CDH8: variants seen among roughly 807,000 people sequenced by gnomAD.
CDH8 encodes cadherin 8, also known as cadherin-8.
In CDH8, 17 loss-of-function variants were observed where a neutral mutation model predicts 68.1. The ratio of observed to expected loss-of-function variants is 0.25; its 90% CI spans 0.17 to 0.37. CDH8 has a LOEUF of 0.37. CDH8 is among the 10% of genes least tolerant of loss of function. CDH8 has a pLI of 1.00. For synonymous variants in CDH8, 372 were observed against 365.1 expected (o/e 1.02, Z -0.21); for missense variants, 763 against 999.3 (o/e 0.76, Z 3.19).
At chr16:61,753,875 A>G (rs999058747) in intron 8 of CDH8, among the ~76,000 whole-genome samples, 3 of 152,160 alleles carry the variant, frequency 2.0e-5, no homozygotes, top group African/African-American at 7.2e-5. Context: ...TAAGGAAAAA[A>G]CAATAATAAA....
chr16:61,799,943 C>T (rs1961582423), intron 7 of CDH8, among the ~76,000 whole-genome samples: 1 of 152,140 alleles, frequency 6.6e-6, no homozygotes, highest in Admixed American at 6.5e-5. Context: ...AGGTCTCCCT[C>T]TGTCACCTAG....
intron 2 of CDH8, among the ~76,000 whole-genome samples, chr16:61,966,366 C>T (rs943246365): frequency 1.3e-5 from 2 of 152,044 alleles, no homozygotes; most frequent in South Asian, 2.1e-4. Flanking sequence ...GGTGAAACCC[C>T]ATCTTTACTA....
At chr16:61,703,697 C>T (rs990205206) in intron 10 of CDH8, among the ~76,000 whole-genome samples, 8 of 152,056 alleles carry the variant, frequency 5.3e-5, no homozygotes, top group South Asian at 2.1e-4. Flanking sequence ...AAAAATTAGC[C>T]GGGCGTGGTG....
intron 2 of CDH8, among the ~76,000 whole-genome samples, chr16:61,912,298 G>GT (rs559275434): frequency 9.0e-4 from 137 of 152,136 alleles, no homozygotes; most frequent in Middle Eastern, 3.4e-3. Context: ...GGCACATCAT[G>GT]TTTTTTTCTG....
At chr16:61,810,718 A>G (rs1414135951) in intron 7 of CDH8, among the ~76,000 whole-genome samples, 1 of 152,122 alleles carries the variant, frequency 6.6e-6, no homozygotes, top group Non-Finnish European at 1.5e-5. Context: ...TTCAGAGAGC[A>G]TGTATAAAAG....
At chr16:62,012,496 A>G (rs1901837078) in intron 2 of CDH8, among the ~76,000 whole-genome samples, 1 of 152,170 alleles carries the variant, frequency 6.6e-6, no homozygotes, top group Admixed American at 6.5e-5. Context: ...AGTTTTTAAA[A>G]CGAGATTCTA....
At chr16:61,960,015 T>TATATACAC (rs1198530274) in intron 2 of CDH8, among the ~76,000 whole-genome samples, 2 of 73,226 alleles carry the variant, frequency 2.7e-5, no homozygotes, top group East Asian at 5.0e-4. Context: ...TATATATATA[T>TATATACAC]ACACACATAC....
In CDH8 at chr16:61,727,108, C is replaced by T; in HGVS notation, c.1522G>A (p.Gly508Arg). ...GAGATATTTACTTGGCCGGGTTTTC[C>T]ATTTTCACATAAAAATGCCTCATAT... is the stretch of plus-strand genomic sequence containing the variant. Reference protein sequence around the residue: ...SEYEAFLCENGKPGQVIQTVS... With the variant: ...SEYEAFLCENRKPGQVIQTVS... Residue 508 changes from glycine to arginine, a missense_variant, in exon 9 of 12, where the codon GGA becomes AGA. Gly to Arg is a moderately radical substitution (Grantham distance 125). Coordinates refer to ENST00000577390, the MANE Select transcript of CDH8 (RefSeq NM_001796.5). 1 of 1,610,660 alleles carries T rather than the reference C, an allele frequency of 6.2e-7. No homozygotes were observed. The highest frequency in any genetic ancestry group is 8.5e-7 in the Non-Finnish European group (1 of 1,177,786).
At chr16:61,774,747 G>A (rs1410825989) in intron 8 of CDH8, among the ~76,000 whole-genome samples, 1 of 152,072 alleles carries the variant, frequency 6.6e-6, no homozygotes. Context: ...AATGTTACAT[G>A]AGAACAGGGA....
intron 10 of CDH8, among the ~76,000 whole-genome samples, chr16:61,664,614 T>C (rs1252809822): frequency 6.6e-6 from 1 of 151,980 alleles, no homozygotes; most frequent in Non-Finnish European, 1.5e-5. Context: ...GAAATATTGA[T>C]GGTTTCCAAG....
At chr16:61,920,990 A>G (rs1382483764) in intron 2 of CDH8, among the ~76,000 whole-genome samples, 1 of 149,214 alleles carries the variant, frequency 6.7e-6, no homozygotes, top group African/African-American at 2.5e-5. Context: ...CATTCTCAGT[A>G]AACTATCACA....
chr16:61,842,822 T>G (rs1349725878), intron 4 of CDH8, among the ~76,000 whole-genome samples: 1 of 152,172 alleles, frequency 6.6e-6, no homozygotes, highest in Non-Finnish European at 1.5e-5. Context: ...AAATTACTGT[T>G]GTGCTTATTT....
rs375015782 is a variant in CDH8 at position 61,871,575 on chromosome 16, T to C, written c.548-14337A>G. On this transcript the variant is annotated intron_variant, in intron 3 of 11. Transcript: ENST00000577390. ...GAAGCATTTAGAACATCATTGATGA[T>C]CTTTATAATAATAATATTTTTTAAA... Among the ~76,000 whole-genome samples, 12 of 151,604 alleles carry C rather than the reference T, an allele frequency of 7.9e-5. 1 individual carries two copies. The highest frequency in any genetic ancestry group is 2.9e-4 in the African/African-American group (12 of 41,324).
chr16:61,677,148 C>T (rs372351960), intron 10 of CDH8, among the ~76,000 whole-genome samples: 16 of 151,674 alleles, frequency 1.1e-4, no homozygotes, highest in African/African-American at 3.6e-4. Context: ...TGTCTTCTCG[C>T]TCCATTCCTC....
At chr16:61,815,444 G>C (rs536658461) in intron 7 of CDH8, among the ~76,000 whole-genome samples, 1 of 152,236 alleles carries the variant, frequency 6.6e-6, no homozygotes, top group Admixed American at 6.5e-5. Flanking sequence ...CTATGAACCT[G>C]GATTTATAGC....
chr16:61,668,843 C>T (rs1387975156), intron 10 of CDH8, among the ~76,000 whole-genome samples: 1 of 151,934 alleles, frequency 6.6e-6, no homozygotes, highest in Non-Finnish European at 1.5e-5. Context: ...ATTTAAGAAA[C>T]TGGAAAAAGA....
intron 2 of CDH8, among the ~76,000 whole-genome samples, chr16:61,994,370 G>T (rs1762447573): frequency 6.6e-6 from 1 of 152,096 alleles, no homozygotes; most frequent in African/African-American, 2.4e-5. Context: ...ATTGCTAATT[G>T]AACTGTATTG....
intron 10 of CDH8, among the ~76,000 whole-genome samples, chr16:61,671,864 G>A (rs368567849): frequency 1.3e-5 from 2 of 151,666 alleles, no homozygotes; most frequent in African/African-American, 4.8e-5. Context: ...GGAGAGAGCA[G>A]AAACAAATGA....
intron 3 of CDH8, among the ~76,000 whole-genome samples, chr16:61,881,702 T>C (rs544861724): frequency 3.7e-4 from 56 of 152,306 alleles, no homozygotes; most frequent in African/African-American, 1.3e-3. Flanking sequence ...TCCTTTCACA[T>C]AATTTTTCTT....
Sources: gnomAD v4.1 joint callset for allele counts (sites outside exome capture counted in the v4.1 genomes callset) on GRCh38, gnomAD v4.1.1 for gene constraint, MANE v1.5 for transcripts, NCBI Gene and HGNC (gene_info 2026-07-23, HGNC 2026-07-21) for gene names.